The following PCDHB4 variants were observed in gnomAD, a reference collection of about 807,000 sequenced individuals.
The protein encoded by PCDHB4 is protocadherin beta-4.
For missense variants in PCDHB4, 1,063 were observed against 1,007.0 expected, an observed-to-expected ratio of 1.06 and a Z score of -0.75; for synonymous variants, 482 against 447.3, an observed-to-expected ratio of 1.08 and a Z score of -0.98.
chr5:141,123,693 G>A lies in PCDHB4; in HGVS notation c.1695G>A (p.Gln565=), dbSNP rs1752350597. 3.7e-6 allele frequency: 6 copies of A among 1,611,164 alleles called. No homozygotes were observed. Among genetic ancestry groups the A allele is most frequent in the East Asian group, 2.2e-5 (1 of 44,886 alleles). Residue 565 remains glutamine, a synonymous_variant, in exon 1 of 1, where the codon CAG becomes CAA. Transcript: ENST00000194152. ...CGCCCTTCGTGCTGTACCCGCTGCA[G>A]AATGGCTCCGCGCCCTGCACCGAGC... ...DNSPFVLYPL[Q]NGSAPCTELV...
chr5:141,122,762 C>A lies in PCDHB4; in HGVS notation c.764C>A (p.Pro255His). The change falls in exon 1 of 1, where the codon CCC becomes CAC. Residue 255 changes from proline to histidine, a missense_variant. By Grantham distance (77) the Pro-to-His change is moderately conservative. Transcript: ENST00000194152. ...PYGVQVLENS[P>H]LDSPIVRVLA... Reference sequence around the variant, plus strand: ...GGGGTGCAGGTCCTGGAAAACAGCCCCCTAGACTCTCCAATTGTTAGGGTC... The same window carrying A: ...GGGGTGCAGGTCCTGGAAAACAGCCACCTAGACTCTCCAATTGTTAGGGTC... The A allele has an allele frequency of 6.2e-7, 1 of 1,613,784 alleles. No homozygotes were observed. The highest frequency in any genetic ancestry group is 8.5e-7 in the Non-Finnish European group (1 of 1,179,874).
At position 141,122,284 on chromosome 5, in the gene PCDHB4, G is replaced by T; in HGVS notation, c.286G>T (p.Gly96Cys). ...REKLDREELC[G>C]PIEPCVLHFQ... ...GAAACTAGACCGGGAAGAGCTCTGT[G>T]GTCCTATTGAACCGTGTGTACTGCA... is the stretch of plus-strand genomic sequence containing the variant. The change falls in exon 1 of 1, where the codon GGT becomes TGT. Residue 96 changes from glycine to cysteine, a missense_variant. Gly to Cys is a radical substitution (Grantham distance 159, BLOSUM62 -3). Coordinates refer to ENST00000194152, the MANE Select transcript of PCDHB4 (RefSeq NM_018938.4). 6.2e-7 allele frequency: 1 copy of T among 1,613,978 alleles called. No individual in the cohort carries two copies. Among genetic ancestry groups the T allele is most frequent in the Non-Finnish European group, 8.5e-7 (1 of 1,180,042 alleles).
rs782783855 is a variant in PCDHB4, at chr5:141,122,872, T to C, written c.874T>C (p.Ser292Pro). 6.2e-7 allele frequency: 1 copy of C among 1,613,526 alleles called. No homozygotes were observed. The highest frequency in any genetic ancestry group is 1.1e-5 in the South Asian group (1 of 90,876). ...QASDEIKQTFSINEVTGEILL... is the reference protein window; with the variant it reads ...QASDEIKQTFPINEVTGEILL... Reference sequence around the variant, plus strand: ...ATCAGATGAAATTAAACAAACTTTCTCAATAAATGAAGTCACGGGAGAAAT... The same window carrying C: ...ATCAGATGAAATTAAACAAACTTTCCCAATAAATGAAGTCACGGGAGAAAT... Residue 292 changes from serine (S) to proline (P), a missense_variant, in exon 1 of 1, where the codon TCA becomes CCA. Physicochemically the swap from Ser to Pro is moderately conservative, Grantham distance 74 (BLOSUM62 -1). Transcript: ENST00000194152.
In PCDHB4 at chr5:141,124,153, G is replaced by A. The variant is rs1554274731; in HGVS notation, c.2155G>A (p.Ala719Thr). ...AVRLCRRSRA[A>T]SVGRCSVPEG... The stretch of plus-strand genomic sequence containing the variant: ...GCGGCTGTGCAGGAGGAGCAGGGCG[G>A]CCTCGGTGGGTCGCTGCTCGGTGCC... The change falls in exon 1 of 1, where the codon GCC becomes ACC. Residue 719 changes from alanine (A) to threonine (T), a missense_variant. Physicochemically the swap from Ala to Thr is moderately conservative, Grantham distance 58 (BLOSUM62 0). Coordinates refer to ENST00000194152, the MANE Select transcript of PCDHB4 (RefSeq NM_018938.4). 2.5e-6 allele frequency: 4 copies of A among 1,612,480 alleles called. No individual in the cohort carries two copies. Among genetic ancestry groups the A allele is most frequent in the African/African-American group, 1.3e-5 (1 of 75,018 alleles).
At position 141,123,549 on chromosome 5, in the gene PCDHB4, G is replaced by T. The variant is rs782072958; in HGVS notation, c.1551G>T (p.Ser517=). 1 of 1,613,070 alleles carries T rather than the reference G, an allele frequency of 6.2e-7. No homozygotes were observed. The highest frequency in any genetic ancestry group is 8.5e-7 in the Non-Finnish European group (1 of 1,179,902). ...ACGGCCACCTGTTCGCCCTCAGGTC[G>T]CTGGACTACGAGGCCCTGCAGGCGT... ...ADNGHLFALR[S]LDYEALQAFE... is the part of the protein sequence containing the mutation. Residue 517 remains serine, a synonymous_variant, in exon 1 of 1, where the codon TCG becomes TCT. Transcript: ENST00000194152.
Position 141,122,490 on chromosome 5 carries a change from T to C in PCDHB4, c.492T>C (p.Asn164=), listed in dbSNP as rs1588315996. ...CTGAGGATTTGGATGTGGGCAGCAA[T>C]GGTCTTCAAAAATACACAATCAGCC... The part of the protein sequence containing the change: ...LIAEDLDVGS[N]GLQKYTISPN... The change falls in exon 1 of 1, where the codon AAT becomes AAC. Residue 164 remains asparagine, a synonymous_variant. Coordinates refer to ENST00000194152, the MANE Select transcript of PCDHB4 (RefSeq NM_018938.4). 4 of 1,614,222 alleles carry C rather than the reference T, an allele frequency of 2.5e-6. No individual in the cohort carries two copies. In the East Asian group the frequency reaches 8.9e-5, roughly 36 times the overall value.
Sources: allele counts gnomAD v4.1 joint callset, GRCh38; gene constraint gnomAD v4.1.1; transcripts MANE v1.5; gene names NCBI Gene and HGNC (gene_info 2026-07-23, HGNC 2026-07-21).